WWOX: variants seen among roughly 807,000 people sequenced by gnomAD.
WWOX encodes WW domain containing oxidoreductase.
A neutral mutation model predicts 46.2 loss-of-function variants in WWOX; 69 were observed. The ratio of observed to expected loss-of-function variants is 1.49; its 90% CI spans 1.23 to 1.82. The LOEUF (loss-of-function observed/expected upper bound fraction) is 1.82. Ranked by LOEUF, WWOX falls within the 40% of genes most tolerant of loss-of-function variation. WWOX has a pLI of 0.00. For missense variants in WWOX, 919 were observed against 542.6 expected (o/e 1.69, Z -6.89); for synonymous variants, 359 against 202.6 (o/e 1.77, Z -6.56).
At chr16:78,931,554 A>T (rs2045624641) in intron 8 of WWOX, among the ~76,000 whole-genome samples, 1 of 152,240 alleles carries the variant, frequency 6.6e-6, no homozygotes, top group Non-Finnish European at 1.5e-5. Context: ...ATACAAAGGC[A>T]ATGAGTACAT....
intron 6 of WWOX, among the ~76,000 whole-genome samples, chr16:78,407,383 A>T (rs1003001451): frequency 1.3e-5 from 2 of 152,318 alleles, no homozygotes; most frequent in East Asian, 3.9e-4. Context: ...CATTCCACTC[A>T]GCTCATTCCT....
At chr16:78,975,626 T>C (rs1309481856) in intron 8 of WWOX, among the ~76,000 whole-genome samples, 4 of 152,144 alleles carry the variant, frequency 2.6e-5, no homozygotes, top group Admixed American at 6.5e-5. Flanking sequence ...ACAGTGTTTA[T>C]TCCCCAACTG....
intron 5 of WWOX, among the ~76,000 whole-genome samples, chr16:78,212,486 T>C (rs2036589387): frequency 6.6e-6 from 1 of 152,168 alleles, no homozygotes; most frequent in Admixed American, 6.5e-5. Flanking sequence ...TAGTTTATAT[T>C]GGATTCTGCA....
chr16:79,053,822 A>G (rs1428477801), intron 8 of WWOX, among the ~76,000 whole-genome samples: 1 of 152,170 alleles, frequency 6.6e-6, no homozygotes, highest in Non-Finnish European at 1.5e-5. Context: ...TGCTTCAGAA[A>G]TTTGCAGCTT....
intron 8 of WWOX, among the ~76,000 whole-genome samples, chr16:78,508,155 C>T (rs1597185121): frequency 6.6e-6 from 1 of 151,914 alleles, no homozygotes; most frequent in African/African-American, 2.4e-5. Flanking sequence ...ATTACAGGTG[C>T]CCACCACCAA....
chr16:79,038,448 G>GA (rs1252932035), intron 8 of WWOX, among the ~76,000 whole-genome samples: 3 of 151,680 alleles, frequency 2.0e-5, no homozygotes, highest in Non-Finnish European at 4.4e-5. Context: ...GACATGCACA[G>GA]AAAAAAAAGA....
intron 8 of WWOX, among the ~76,000 whole-genome samples, chr16:79,063,112 G>T (rs2048383687): frequency 6.6e-6 from 1 of 152,178 alleles, no homozygotes; most frequent in Non-Finnish European, 1.5e-5. Flanking sequence ...AAATCTGGAT[G>T]GTGCTTTTGA....
chr16:78,900,360 G>T (rs180731593), intron 8 of WWOX, among the ~76,000 whole-genome samples: 8 of 152,020 alleles, frequency 5.3e-5, no homozygotes, highest in African/African-American at 1.9e-4. Flanking sequence ...AAGTATGCAC[G>T]CTCATATTAT....
intron 8 of WWOX, among the ~76,000 whole-genome samples, chr16:78,874,242 C>G (rs1385650788): frequency 7.2e-6 from 1 of 138,564 alleles, no homozygotes; most frequent in Non-Finnish European, 1.5e-5. Context: ...GGCGACAGAG[C>G]GAGACTCTGT....
chr16:78,100,002 A>T, intron 1 of WWOX, 117 bp downstream of exon 1: 2 of 1,505,108 alleles, frequency 1.3e-6, no homozygotes, highest in Non-Finnish European at 1.8e-6. Context: ...AAGTGAAAGT[A>T]ACTGTTAAGG....
intron 8 of WWOX, among the ~76,000 whole-genome samples, chr16:78,729,750 A>T (rs761303277): frequency 1.3e-5 from 2 of 152,212 alleles, no homozygotes; most frequent in Non-Finnish European, 2.9e-5. Context: ...AAACTAATGC[A>T]AATGGGCTTT....
Position 78,541,473 on chromosome 16 carries a change from C to CA in WWOX, c.1056+108754dup, listed in dbSNP as rs59900108. On this transcript the variant is annotated intron_variant, in intron 8 of 8. Coordinates refer to ENST00000566780, the MANE Select transcript of WWOX (RefSeq NM_016373.4). Reference sequence around the variant, plus strand: ...TGGGCGACAGAGCGAGACTCCGTCTCAAAAAAAAAAAAAAAAAAAAAAAAA... The same window carrying CA: ...TGGGCGACAGAGCGAGACTCCGTCTCAAAAAAAAAAAAAAAAAAAAAAAAAA... 5.9e-3 allele frequency among the ~76,000 whole-genome samples: 267 copies of CA among 45,174 alleles called. 43 individuals carry two copies. Among genetic ancestry groups the CA allele is most frequent in the African/African-American group, 0.017 (155 of 9,196 alleles). The allele number at this position is 45,174 out of a possible 152,430, so 29.6% of individuals were successfully genotyped here. A position where few individuals can be genotyped will look rare whatever the true frequency, so the allele number is the denominator to read the frequency against.
Position 78,434,787 on chromosome 16 carries a change from C to T in WWOX, c.1056+2035C>T, listed in dbSNP as rs75937542. 5.4e-3 allele frequency among the ~76,000 whole-genome samples: 827 copies of T among 152,208 alleles called. 36 individuals are homozygous for T. In the East Asian group the frequency reaches 0.11, roughly 20 times the overall value. On this transcript the variant is annotated intron_variant, in intron 8 of 8. Coordinates refer to ENST00000566780, the MANE Select transcript of WWOX (RefSeq NM_016373.4). ...TTTGGTGAGGGGTGATATAACCATCCTGCCATTTGTTGTAGACTCGAATGG... is the reference window on the plus strand; with the variant it reads ...TTTGGTGAGGGGTGATATAACCATCTTGCCATTTGTTGTAGACTCGAATGG...
At chr16:79,092,449 A>C (rs1466744697) in intron 8 of WWOX, among the ~76,000 whole-genome samples, 1 of 151,934 alleles carries the variant, frequency 6.6e-6, no homozygotes, top group Non-Finnish European at 1.5e-5. Context: ...ATGGATGTGC[A>C]CCCTTGCTCA....
intron 8 of WWOX, among the ~76,000 whole-genome samples, chr16:78,794,643 C>G (rs1017530044): frequency 6.6e-6 from 1 of 152,230 alleles, no homozygotes; most frequent in Admixed American, 6.5e-5. Flanking sequence ...TGACACATAG[C>G]AAGACCTTGG....
intron 8 of WWOX, among the ~76,000 whole-genome samples, chr16:78,514,902 G>A (rs950568839): frequency 4.6e-5 from 7 of 152,092 alleles, no homozygotes; most frequent in African/African-American, 1.7e-4. Flanking sequence ...CATATATCAG[G>A]TAGCAAGATG....
rs145681148 is a variant in WWOX at position 78,467,660 on chromosome 16, A to G, written c.1056+34908A>G. On this transcript the variant is annotated intron_variant, in intron 8 of 8. Coordinates refer to ENST00000566780, the MANE Select transcript of WWOX (RefSeq NM_016373.4). ...ACTGTAACTTGGCTTTCATTAGAGT[A>G]GAAAGAGATAAAGCTTTGCTTAATT... 8.8e-4 allele frequency among the ~76,000 whole-genome samples: 134 copies of G among 152,358 alleles called. 1 individual carries two copies. Among genetic ancestry groups the G allele is most frequent in the African/African-American group, 3.1e-3 (127 of 41,578 alleles).
chr16:78,188,487 C>CAA (rs11325655), intron 5 of WWOX, among the ~76,000 whole-genome samples: 41 of 104,144 alleles, frequency 3.9e-4, no homozygotes, highest in African/African-American at 1.2e-3. Context: ...GACTCTGTCT[C>CAA]AAAAAAAAAA....
At chr16:78,509,195 T>G (rs2085295129) in intron 8 of WWOX, among the ~76,000 whole-genome samples, 1 of 152,182 alleles carries the variant, frequency 6.6e-6, no homozygotes, top group Non-Finnish European at 1.5e-5. Flanking sequence ...TCCCAGCCCT[T>G]TGGGAGGCCA....
Sources: allele counts gnomAD v4.1 joint callset (sites outside exome capture counted in the v4.1 genomes callset), GRCh38; gene constraint gnomAD v4.1.1; transcripts MANE v1.5; gene names NCBI Gene and HGNC (gene_info 2026-07-23, HGNC 2026-07-21).